Variants in PCDHA3 observed in about 807,000 individuals in gnomAD.
PCDHA3 encodes protocadherin alpha-3.
A neutral mutation model predicts 62.2 loss-of-function variants in PCDHA3; 41 were observed. The observed-to-expected ratio is 0.66, with a 90% CI of 0.51 to 0.86. The LOEUF (loss-of-function observed/expected upper bound fraction) is 0.86. PCDHA3 is among the 40% of genes least tolerant of loss of function. PCDHA3 has a pLI of 0.00. For synonymous variants in PCDHA3, 640 were observed against 555.4 expected, an observed-to-expected ratio of 1.15 and a Z score of -2.14; for missense variants, 1,304 against 1,241.2, an observed-to-expected ratio of 1.05 and a Z score of -0.76.
At chr5:140,824,128 G>A (rs1554129741) in intron 1 of PCDHA3, 54 of 1,612,826 alleles carry the variant, frequency 3.3e-5, no homozygotes, top group Non-Finnish European at 4.3e-5. Context: ...TACAGACAAC[G>A]TGAGTTTTCT....
intron 1 of PCDHA3, chr5:140,884,756 T>A: frequency 7.0e-7 from 1 of 1,427,108 alleles, no homozygotes; most frequent in Admixed American, 3.0e-5. Flanking sequence ...TTTCAAATTA[T>A]TCTTTACTTT....
rs1243853436 is a variant in PCDHA3, at chr5:140,900,308, A to G, written c.2395-78641A>G. ...CTTTTCTGTTTTTTTAGACAGTCTC[A>G]CTTTTGTCGCCCAGGCTGGAGTACC... On this transcript the variant is annotated intron_variant, in intron 1 of 3. Transcript: ENST00000522353. 1.3e-4 allele frequency among the ~76,000 whole-genome samples: 19 copies of G among 149,982 alleles called. No individual in the cohort carries two copies. The East Asian group carries it at 3.9e-3, about 31-fold the overall frequency.
rs1489888830 is a variant in PCDHA3, at chr5:140,987,480, A to G, written c.2542+4917A>G. ...TGTTAAGAGCTCAAGCTTGGGAGTC[A>G]GTGACCCTTTCTGAATTCTACCTCT... is the stretch of plus-strand genomic sequence containing the variant. On this transcript the variant is annotated intron_variant, in intron 3 of 3. Coordinates refer to ENST00000522353, the MANE Select transcript of PCDHA3 (RefSeq NM_018906.3). Among the ~76,000 whole-genome samples, 6 of 152,310 alleles carry G rather than the reference A, an allele frequency of 3.9e-5. No homozygotes were observed. The South Asian group carries it at 1.2e-3, about 32-fold the overall frequency.
Position 141,010,344 on chromosome 5 carries a change from G to A in PCDHA3, c.*407G>A, listed in dbSNP as rs1011321402. On this transcript the variant is annotated 3_prime_UTR_variant, in exon 4 of 4. Coordinates refer to ENST00000522353, the MANE Select transcript of PCDHA3 (RefSeq NM_018906.3). Reference sequence around the variant, plus strand: ...CAGCTTGGGAGTTTGTGGCCACTGGGTATGTGTGGCTACCGCGGGTATGCG... The same window carrying A: ...CAGCTTGGGAGTTTGTGGCCACTGGATATGTGTGGCTACCGCGGGTATGCG... 3 of 1,518,888 alleles carry A rather than the reference G, an allele frequency of 2.0e-6. No homozygotes were observed. The Admixed American group carries it at 6.4e-5, about 33-fold the overall frequency. 94.1% of individuals were successfully genotyped at this position (1,518,888 alleles called of 1,614,324 possible).
chr5:140,828,305 G>A (rs2150153784), intron 1 of PCDHA3: 80 of 1,613,966 alleles, frequency 5.0e-5, no homozygotes, highest in Non-Finnish European at 6.7e-5. Flanking sequence ...CAAAGACCGC[G>A]AGGACCTTCT....
At chr5:140,867,774 G>A (rs937544863) in intron 1 of PCDHA3, 2 of 151,934 alleles carry the variant, frequency 1.3e-5, no homozygotes, top group African/African-American at 4.8e-5. Flanking sequence ...ACTCTCATAA[G>A]CAATTCCTGT....
At chr5:140,904,443 A>G (rs1345999576) in intron 1 of PCDHA3, among the ~76,000 whole-genome samples, 8 of 151,082 alleles carry the variant, frequency 5.3e-5, no homozygotes, top group African/African-American at 1.5e-4. Flanking sequence ...GTATATTACA[A>G]TTTCTTTATA....
In PCDHA3 at chr5:140,876,316, A is replaced by G. The variant is rs782671827; in HGVS notation, c.2394+72725A>G. ...TAATGGAGAAATTTCCTATGGGATC[A>G]AAATGATTTTGCCAGTGAGTGAGAA... is the stretch of plus-strand genomic sequence containing the variant. On this transcript the variant is annotated intron_variant, in intron 1 of 3. Transcript: ENST00000522353. 4 of 1,613,952 alleles carry G rather than the reference A, an allele frequency of 2.5e-6. No individual in the cohort carries two copies. Among genetic ancestry groups the G allele is most frequent in the Admixed American group, 3.3e-5 (2 of 60,018 alleles).
rs543069895 is a variant in PCDHA3, at chr5:140,958,338, G to A, written c.2395-20611G>A. 2.0e-4 allele frequency among the ~76,000 whole-genome samples: 30 copies of A among 152,108 alleles called. No homozygotes were observed. In the South Asian group the frequency reaches 6.0e-3, roughly 31 times the overall value. ...GAGCTCAAAAAATAAATAAATCACA[G>A]GAAGTTCACAGTCTGACTTTATCAG... On this transcript the variant is annotated intron_variant, in intron 1 of 3. Transcript: ENST00000522353.
chr5:140,926,757 A>T, intron 1 of PCDHA3: 1 of 1,278,278 alleles, frequency 7.8e-7, no homozygotes, highest in Non-Finnish European at 1.0e-6. Flanking sequence ...GCGGTCGCTG[A>T]GTATCCAGCC....
At chr5:140,978,594 G>C (rs184264823) in intron 1 of PCDHA3, among the ~76,000 whole-genome samples, 31 of 152,288 alleles carry the variant, frequency 2.0e-4, no homozygotes, top group African/African-American at 7.5e-4. Flanking sequence ...CCCTTAATGG[G>C]GCACTTGAGG....
intron 1 of PCDHA3, chr5:140,967,224 A>G (rs2096116008): frequency 6.2e-7 from 1 of 1,613,708 alleles, no homozygotes; most frequent in Non-Finnish European, 8.5e-7. Flanking sequence ...CGGCCCAACT[A>G]CCAGCTTCAG....
intron 1 of PCDHA3, among the ~76,000 whole-genome samples, chr5:140,895,392 C>T (rs983338513): frequency 6.6e-5 from 10 of 152,148 alleles, no homozygotes; most frequent in African/African-American, 2.4e-4. Context: ...CAATTCTCAA[C>T]ACCATCAAAA....
intron 1 of PCDHA3, chr5:140,869,064 A>G (rs782442864): frequency 1.9e-6 from 3 of 1,559,452 alleles, no homozygotes; most frequent in East Asian, 4.5e-5. Flanking sequence ...TGGTACTGTA[A>G]GTGTAAAGAA....
At chr5:140,828,115 A>G (rs2150151163) in intron 1 of PCDHA3, 1 of 1,612,394 alleles carries the variant, frequency 6.2e-7, no homozygotes, top group Non-Finnish European at 8.5e-7. Flanking sequence ...CGGAGGATAG[A>G]TTGGGAAAGC....
intron 3 of PCDHA3, among the ~76,000 whole-genome samples, chr5:140,988,254 T>G (rs910037234): frequency 6.6e-6 from 1 of 152,188 alleles, no homozygotes; most frequent in East Asian, 1.9e-4. Context: ...AGCTCCCGCC[T>G]GTGAGTATCC....
intron 1 of PCDHA3, chr5:140,828,812 A>C: frequency 6.2e-7 from 1 of 1,614,228 alleles, no homozygotes; most frequent in Non-Finnish European, 8.5e-7. Flanking sequence ...TAATGCTCCC[A>C]CTTTCGAACA....
chr5:140,819,590 C>A (rs2150104684), intron 1 of PCDHA3, among the ~76,000 whole-genome samples: 1 of 152,176 alleles, frequency 6.6e-6, no homozygotes, highest in South Asian at 2.1e-4. Context: ...TTAAAATGTT[C>A]TTTTCCTGTG....
At chr5:140,962,781 T>A (rs1466674099) in intron 1 of PCDHA3, among the ~76,000 whole-genome samples, 1 of 152,228 alleles carries the variant, frequency 6.6e-6, no homozygotes, top group African/African-American at 2.4e-5. Context: ...ATGGAATTTT[T>A]AAAAACTACT....
Sources: gnomAD v4.1 joint callset for allele counts (sites outside exome capture counted in the v4.1 genomes callset) on GRCh38, gnomAD v4.1.1 for gene constraint, MANE v1.5 for transcripts, NCBI Gene and HGNC (gene_info 2026-07-23, HGNC 2026-07-21) for gene names.